Variants in ARHGAP19 observed in about 807,000 individuals in gnomAD.
The protein encoded by ARHGAP19 is Rho GTPase activating protein 19.
Under a neutral mutation model 60.9 loss-of-function variants are expected in ARHGAP19, and 48 were observed. The observed-to-expected ratio is 0.79, with a 90% confidence interval of 0.62 to 1.00. The LOEUF (loss-of-function observed/expected upper bound fraction) is 1.00. Ranked by LOEUF, ARHGAP19 falls within the 50% of genes least tolerant of loss-of-function variation. ARHGAP19 has a pLI of 0.00. For missense variants in ARHGAP19, 562 were observed against 597.2 expected (o/e 0.94, Z 0.61); for synonymous variants, 209 against 215.5 (o/e 0.97, Z 0.27).
At chr10:97,227,742 C>G (rs1850924152) in intron 11 of ARHGAP19, among the ~76,000 whole-genome samples, 1 of 152,120 alleles carries the variant, frequency 6.6e-6, no homozygotes, top group Non-Finnish European at 1.5e-5. Flanking sequence ...CAGAAAAATA[C>G]ACATATGTAC....
At chr10:97,270,026 C>T (rs1394408453) in intron 1 of ARHGAP19, among the ~76,000 whole-genome samples, 1 of 152,120 alleles carries the variant, frequency 6.6e-6, no homozygotes, top group African/African-American at 2.4e-5. Flanking sequence ...CAAAACTACT[C>T]CCTCCTAAAC....
intron 9 of ARHGAP19, among the ~76,000 whole-genome samples, chr10:97,233,959 G>A (rs935479763): frequency 6.8e-5 from 10 of 147,870 alleles, no homozygotes; most frequent in Non-Finnish European, 1.3e-4. Context: ...GGAGTGGGGG[G>A]AAGGAGAGTA....
chr10:97,224,035 T>C lies in ARHGAP19; in HGVS notation c.*2087A>G, dbSNP rs1236880262. Reference sequence around the variant, plus strand: ...GATCCTCACCCCAGAACACAACCTTTGCTTATGATTCCATTCACCCAAAGA... The same window carrying C: ...GATCCTCACCCCAGAACACAACCTTCGCTTATGATTCCATTCACCCAAAGA... On this transcript the variant is annotated 3_prime_UTR_variant, in exon 12 of 12. Coordinates refer to ENST00000358531, the MANE Select transcript of ARHGAP19 (RefSeq NM_032900.6). The C allele has an allele frequency of 6.6e-6, 1 of 152,222 alleles. No individual in the cohort carries two copies. The highest frequency in any genetic ancestry group is 6.5e-5 in the Admixed American group (1 of 15,284). 9.4% of individuals were successfully genotyped at this position (152,222 alleles called of 1,614,324 possible). A position where few individuals can be genotyped will look rare whatever the true frequency, so the allele number is the denominator to read the frequency against.
rs1850866928 is a variant in ARHGAP19, at chr10:97,224,868, C to A, written c.*1254G>T. The A allele has an allele frequency of 6.6e-6, 1 of 152,462 alleles. No homozygotes were observed. The highest frequency in any genetic ancestry group is 2.4e-5 in the African/African-American group (1 of 41,448). The allele number at this position is 152,462 out of a possible 1,614,324, so 9.4% of individuals were successfully genotyped here. ...CAAGTGAACACACCAAATCCAAAAG[C>A]CAGAAGCTCTGGCCCCATCTCCAAA... On this transcript the variant is annotated 3_prime_UTR_variant, in exon 12 of 12. Transcript: ENST00000358531.
chr10:97,288,465 A>C (rs1843183645), intron 1 of ARHGAP19, among the ~76,000 whole-genome samples: 1 of 152,070 alleles, frequency 6.6e-6, no homozygotes, highest in African/African-American at 2.4e-5. Context: ...CTGTAGTCCC[A>C]GCTACTTGGG....
At chr10:97,256,230 G>A (rs914588085) in intron 6 of ARHGAP19, 88 bp downstream of exon 6, 48 of 1,083,060 alleles carry the variant, frequency 4.4e-5, no homozygotes, top group South Asian at 2.4e-4. Flanking sequence ...CCTTTTTCTC[G>A]TTTAGTTATC....
At chr10:97,251,737 GA>G (rs1318379892) in intron 6 of ARHGAP19, among the ~76,000 whole-genome samples, 1 of 388 alleles carries the variant, frequency 2.6e-3, no homozygotes, top group African/African-American at 7.0e-3. Flanking sequence ...GAAGGAAAGG[GA>G]AGGGGAAGGG....
At chr10:97,256,563 A>G in intron 5 of ARHGAP19, 159 bp from the exon 6 acceptor site, 1 of 563,520 alleles carries the variant, frequency 1.8e-6, no homozygotes, top group Non-Finnish European at 3.1e-6. Context: ...TCATCAGGAT[A>G]TGACATAATC....
intron 1 of ARHGAP19, among the ~76,000 whole-genome samples, chr10:97,282,053 T>TA (rs1280896877): frequency 6.6e-6 from 1 of 152,206 alleles, no homozygotes; most frequent in Non-Finnish European, 1.5e-5. Context: ...CTTCCTCTGG[T>TA]AACAGCACCC....
At chr10:97,241,148 C>T (rs1017513058) in intron 8 of ARHGAP19, among the ~76,000 whole-genome samples, 1 of 151,556 alleles carries the variant, frequency 6.6e-6, no homozygotes, top group African/African-American at 2.4e-5. Context: ...TGGTGAAACC[C>T]CATCTCTACT....
intron 6 of ARHGAP19, among the ~76,000 whole-genome samples, chr10:97,255,506 G>GC (rs1177811852): frequency 5.9e-5 from 9 of 152,208 alleles, no homozygotes; most frequent in Admixed American, 1.3e-4. Context: ...GATCCCAGAA[G>GC]GTTGAGGCTG....
chr10:97,286,480 T>C (rs1843156826), intron 1 of ARHGAP19, among the ~76,000 whole-genome samples: 1 of 152,170 alleles, frequency 6.6e-6, no homozygotes, highest in African/African-American at 2.4e-5. Context: ...TAGTCCCAGC[T>C]ACTGAGGAGG....
intron 6 of ARHGAP19, among the ~76,000 whole-genome samples, chr10:97,248,271 G>A (rs1443336008): frequency 1.3e-5 from 2 of 152,188 alleles, no homozygotes; most frequent in East Asian, 1.9e-4. Context: ...AAAATTAGCC[G>A]GGTGTGGTGG....
rs764066857 is a variant in ARHGAP19, at chr10:97,244,085, T to C, written c.1068A>G (p.Val356=). The change falls in exon 8 of 12, where the codon GTA becomes GTG. Residue 356 remains valine (V), a synonymous_variant. Transcript: ENST00000358531. ...TCTCCTCCTGGTGAGGGCAGGAATC[T>C]ACCCGGTTCCGTTTCTGAGACTTTG... ...QLAKSQKRNR[V]DSCPHQEETQ... is the part of the protein sequence containing the mutation. 6.2e-6 allele frequency: 10 copies of C among 1,613,960 alleles called. No individual in the cohort carries two copies. In the African/African-American group the frequency reaches 1.2e-4, roughly 19 times the overall value.
At chr10:97,236,803 GA>G (rs71007323) in intron 8 of ARHGAP19, among the ~76,000 whole-genome samples, 35,880 of 79,632 alleles carry the variant, frequency 0.45, 5,601 homozygotes, top group East Asian at 0.72. Flanking sequence ...AACAGACTCA[GA>G]AAAAAAAAAA....
intron 8 of ARHGAP19, among the ~76,000 whole-genome samples, chr10:97,239,168 A>G (rs1001367102): frequency 5.9e-5 from 9 of 152,198 alleles, no homozygotes; most frequent in African/African-American, 2.2e-4. Flanking sequence ...CTTAGAACAT[A>G]TCCCAATCAT....
intron 8 of ARHGAP19, among the ~76,000 whole-genome samples, chr10:97,240,572 G>A (rs896541878): frequency 2.0e-5 from 3 of 152,150 alleles, no homozygotes; most frequent in East Asian, 1.9e-4. Flanking sequence ...AATTGCTTGA[G>A]CCCAGGAGGT....
intron 1 of ARHGAP19, among the ~76,000 whole-genome samples, chr10:97,281,395 C>T (rs1284184679): frequency 6.6e-6 from 1 of 151,984 alleles, no homozygotes; most frequent in Admixed American, 6.6e-5. Flanking sequence ...CAGAGTGAGA[C>T]CCTGTTTCAA....
chr10:97,264,006 G>T (rs566416670), intron 3 of ARHGAP19, among the ~76,000 whole-genome samples: 24 of 152,272 alleles, frequency 1.6e-4, no homozygotes, highest in Non-Finnish European at 2.8e-4. Flanking sequence ...GTTTGGAGGG[G>T]CTACATACAT....
Sources: allele counts gnomAD v4.1 joint callset (sites outside exome capture counted in the v4.1 genomes callset), GRCh38; gene constraint gnomAD v4.1.1; transcripts MANE v1.5; gene names NCBI Gene and HGNC (gene_info 2026-07-23, HGNC 2026-07-21).